Variants in NRDE2 observed in about 807,000 individuals in gnomAD.
The protein encoded by NRDE2 is nuclear exosome regulator NRDE2.
Under a neutral mutation model 124.2 loss-of-function variants are expected in NRDE2, and 76 were observed. The observed-to-expected ratio is 0.61, with a 90% CI of 0.51 to 0.74. The LOEUF is 0.74. NRDE2 is among the 30% of genes least tolerant of loss of function. The pLI, the probability that NRDE2 is intolerant of heterozygous loss-of-function variation, is 0.00. For synonymous variants in NRDE2, 489 were observed against 528.1 expected (o/e 0.93, Z 1.01); for missense variants, 1,314 against 1,417.3 (o/e 0.93, Z 1.17).
At chr14:90,294,223 G>A (rs982234251) in intron 8 of NRDE2, among the ~76,000 whole-genome samples, 11 of 151,928 alleles carry the variant, frequency 7.2e-5, no homozygotes, top group Admixed American at 2.6e-4. Context: ...CTGTTCCCAG[G>A]GATGTGGACA....
At chr14:90,313,486 G>C (rs771792158) in intron 3 of NRDE2, among the ~76,000 whole-genome samples, 16 of 152,032 alleles carry the variant, frequency 1.1e-4, no homozygotes, top group Non-Finnish European at 2.2e-4. Flanking sequence ...TCTGGACCTC[G>C]TAAATAAAGG....
At position 90,293,525 on chromosome 14, in the gene NRDE2, C is replaced by T. The variant is rs557543578; in HGVS notation, c.1667-653G>A. 8.5e-5 allele frequency among the ~76,000 whole-genome samples: 13 copies of T among 152,304 alleles called. No homozygotes were observed. In the East Asian group the frequency reaches 1.2e-3, roughly 14 times the overall value. ...TTGGCCTCCCAAAGTGCTGGGATTA[C>T]GGGCATGAGTCACCAGGCCTGGCCT... is the stretch of plus-strand genomic sequence containing the variant. On this transcript the variant is annotated intron_variant, in intron 8 of 13. Coordinates refer to ENST00000354366, the MANE Select transcript of NRDE2 (RefSeq NM_017970.4).
intron 12 of NRDE2, among the ~76,000 whole-genome samples, chr14:90,283,732 CAG>C (rs1892020067): frequency 6.9e-6 from 1 of 144,214 alleles, no homozygotes; most frequent in Non-Finnish European, 1.5e-5. Flanking sequence ...TTTTTTGAGA[CAG>C]AGTCTGGCTC....
chr14:90,290,229 T>C lies in NRDE2; in HGVS notation c.2221A>G (p.Ile741Val). 1 of 1,612,778 alleles carries C rather than the reference T, an allele frequency of 6.2e-7. No individual in the cohort carries two copies. The highest frequency in any genetic ancestry group is 8.5e-7 in the Non-Finnish European group (1 of 1,179,038). The change falls in exon 10 of 14, where the codon ATT becomes GTT. Residue 741 changes from isoleucine to valine, a missense_variant. Coordinates refer to ENST00000354366, the MANE Select transcript of NRDE2 (RefSeq NM_017970.4). The part of the protein sequence containing the change: ...QLCFSWLQYE[I>V]AKVIWCLHTK... ...GACGAGTCTGGAATTACCTTTGCAA[T>C]CTCATACTGTAACCAGGAGAAGCAG...
intron 11 of NRDE2, among the ~76,000 whole-genome samples, chr14:90,288,004 C>G (rs923842299): frequency 6.6e-6 from 1 of 152,218 alleles, no homozygotes; most frequent in Admixed American, 6.5e-5. Context: ...ACCCAGGCGA[C>G]AGCCACCAAC....
Position 90,302,719 on chromosome 14 carries a change from C to A in NRDE2, c.1411+1G>T. On this transcript the variant is annotated splice_donor_variant, in intron 6 of 13. Coordinates refer to ENST00000354366, the MANE Select transcript of NRDE2 (RefSeq NM_017970.4). LOFTEE classifies it high-confidence loss of function. ...GTAACTGGATCTGGTTATCTCCTTA[C>A]CAAACATGGCCTCTTCCGTGCCAGG... 1.3e-6 allele frequency: 2 copies of A among 1,595,694 alleles called. No individual in the cohort carries two copies. Among genetic ancestry groups the A allele is most frequent in the Non-Finnish European group, 1.7e-6 (2 of 1,170,276 alleles).
At chr14:90,317,573 C>T (rs908617476) in intron 2 of NRDE2, 1 of 153,208 alleles carries the variant, frequency 6.5e-6, no homozygotes, top group African/African-American at 2.4e-5. Flanking sequence ...TGATCTAAAA[C>T]AAAATTCTTT....
rs4904667 is a variant in NRDE2 at position 90,272,223 on chromosome 14, A to G, written c.*6113T>C. ...AATAGGTTTTTTGGAATTCCTTGTTAGAATAAAAATGAGTATGTCACTTTC... is the reference window on the plus strand; with the variant it reads ...AATAGGTTTTTTGGAATTCCTTGTTGGAATAAAAATGAGTATGTCACTTTC... On this transcript the variant is annotated 3_prime_UTR_variant, in exon 14 of 14. Coordinates refer to ENST00000354366, the MANE Select transcript of NRDE2 (RefSeq NM_017970.4). The surrounding 1 kb of genome is among the most constrained non-coding windows in gnomAD (Gnocchi z 4.5). 184,146 of 1,588,796 alleles carry G rather than the reference A, an allele frequency of 0.12. 12,844 individuals are homozygous for G. The highest frequency in any genetic ancestry group is 0.3 in the African/African-American group (22,186 of 73,274).
In NRDE2 at chr14:90,304,143, G is replaced by GTC; in HGVS notation, c.796_797insGA (p.Thr266ArgfsTer5). 6.2e-7 allele frequency: 1 copy of GTC among 1,614,200 alleles called. No individual in the cohort carries two copies. The highest frequency in any genetic ancestry group is 8.5e-7 in the Non-Finnish European group (1 of 1,180,038). ...AATCCCCAGAGGATTCAACCAGGTT[G>GTC]TAACAGGAGCCGCATCTTCCAAGTC... is the stretch of plus-strand genomic sequence containing the variant. On this transcript the variant is annotated frameshift_variant, in exon 5 of 14. Coordinates refer to ENST00000354366, the MANE Select transcript of NRDE2 (RefSeq NM_017970.4). LOFTEE classifies it high-confidence loss of function.
chr14:90,290,208 A>C lies in NRDE2; in HGVS notation c.2229+13T>G. The stretch of plus-strand genomic sequence containing the variant: ...AAAAGTCCCCAAACATGGGAGGACG[A>C]GTCTGGAATTACCTTTGCAATCTCA... On this transcript the variant is annotated intron_variant, in intron 10 of 13. Transcript: ENST00000354366. The C allele has an allele frequency of 6.2e-7, 1 of 1,607,880 alleles. No homozygotes were observed. Among genetic ancestry groups the C allele is most frequent in the Non-Finnish European group, 8.5e-7 (1 of 1,175,410 alleles).
At position 90,290,269 on chromosome 14, in the gene NRDE2, T is replaced by C. The variant is rs1230081207; in HGVS notation, c.2181A>G (p.Lys727=). 4 of 1,614,080 alleles carry C rather than the reference T, an allele frequency of 2.5e-6. No individual in the cohort carries two copies. Among genetic ancestry groups the C allele is most frequent in the Non-Finnish European group, 3.4e-6 (4 of 1,180,030 alleles). Residue 727 remains lysine (K), a synonymous_variant, in exon 10 of 14, where the codon AAA becomes AAG. Coordinates refer to ENST00000354366, the MANE Select transcript of NRDE2 (RefSeq NM_017970.4). ...FHLVMPLFSG[K]EKSQLCFSWL... is the part of the protein sequence containing the mutation. ...AGGAGAAGCAGAGCTGGGACTTCTC[T>C]TTGCCTGAAAATAAAGGCATGACAA...
chr14:90,304,418 A>G, intron 4 of NRDE2, 36 bp from the exon 5 acceptor site: 3 of 1,465,112 alleles, frequency 2.0e-6, no homozygotes, highest in Non-Finnish European at 2.8e-6. Flanking sequence ...TACTGAGGGA[A>G]TACGTGTACT....
At position 90,272,100 on chromosome 14, in the gene NRDE2, G is replaced by C. The variant is rs1239174503; in HGVS notation, c.*6236C>G. 5 of 525,178 alleles carry C rather than the reference G, an allele frequency of 9.5e-6. No individual in the cohort carries two copies. The highest frequency in any genetic ancestry group is 1.7e-5 in the Non-Finnish European group (5 of 300,846). 32.5% of individuals were successfully genotyped at this position (525,178 alleles called of 1,614,324 possible). A position where few individuals can be genotyped will look rare whatever the true frequency, so the allele number is the denominator to read the frequency against. On this transcript the variant is annotated 3_prime_UTR_variant, in exon 14 of 14. Transcript: ENST00000354366. The surrounding 1 kb of genome is among the most constrained non-coding windows in gnomAD (Gnocchi z 4.5). ...GTAGAGATGGGGTTTCACCGTGTTG[G>C]CCAGGCTGGTCTTGAACTCCTGACC...
intron 3 of NRDE2, among the ~76,000 whole-genome samples, chr14:90,313,837 G>T (rs1418070791): frequency 6.6e-6 from 1 of 152,164 alleles, no homozygotes; most frequent in Non-Finnish European, 1.5e-5. Flanking sequence ...ACACTAAGTA[G>T]CTATTCAATA....
At position 90,312,411 on chromosome 14, in the gene NRDE2, G is replaced by T; in HGVS notation, c.540C>A (p.Tyr180Ter). ...DPANWEYKSL[Y>*]RGDIARYKRK... ...GTGACTACCTTGCTATATCCCCTCGGTAGAGAGACTTGTACTCCCAGTTCG... is the reference window on the plus strand; with the variant it reads ...GTGACTACCTTGCTATATCCCCTCGTTAGAGAGACTTGTACTCCCAGTTCG... The change falls in exon 4 of 14, where the codon TAC becomes TAA. Residue 180 changes from tyrosine (Y) to a stop codon, truncating the protein, a stop_gained. Transcript: ENST00000354366. LOFTEE classifies it high-confidence loss of function. 6.2e-7 allele frequency: 1 copy of T among 1,613,902 alleles called. No individual in the cohort carries two copies. The highest frequency in any genetic ancestry group is 8.5e-7 in the Non-Finnish European group (1 of 1,179,930).
intron 4 of NRDE2, among the ~76,000 whole-genome samples, chr14:90,310,021 C>T (rs1023519251): frequency 6.6e-6 from 1 of 152,180 alleles, no homozygotes; most frequent in Non-Finnish European, 1.5e-5. Context: ...TTAATAAATA[C>T]TAACCCTTTA....
chr14:90,280,324 CCACG>C (rs2139664515), intron 12 of NRDE2: 1 of 152,176 alleles, frequency 6.6e-6, no homozygotes, highest in East Asian at 1.9e-4. Flanking sequence ...TCTGTGAGTG[CCACG>C]CACAGGGCCA....
intron 8 of NRDE2, 91 bp downstream of exon 8, chr14:90,298,169 T>C: frequency 2.2e-6 from 3 of 1,359,758 alleles, no homozygotes; most frequent in Non-Finnish European, 3.1e-6. Flanking sequence ...AAGCTACTGA[T>C]AAATAGCTTA....
At chr14:90,284,466 A>G (rs1164589707) in intron 12 of NRDE2, among the ~76,000 whole-genome samples, 1 of 151,916 alleles carries the variant, frequency 6.6e-6, no homozygotes, top group Non-Finnish European at 1.5e-5. Flanking sequence ...CCCTGGTTCA[A>G]GCGATTCTCC....
Sources: allele counts gnomAD v4.1 joint callset (sites outside exome capture counted in the v4.1 genomes callset), GRCh38; gene constraint gnomAD v4.1.1; non-coding constraint Gnocchi (gnomAD v3.1); transcripts MANE v1.5; gene names NCBI Gene and HGNC (gene_info 2026-07-23, HGNC 2026-07-21).